Variants in CFAP54 observed in about 807,000 individuals in gnomAD.
The protein encoded by CFAP54 is cilia and flagella associated protein 54.
In CFAP54, 290 loss-of-function variants were observed where a neutral mutation model predicts 370.4. The observed-to-expected ratio is 0.78, with a 90% CI of 0.71 to 0.86. CFAP54 has a LOEUF of 0.86. Among genes scored for constraint, CFAP54 ranks in the 40% least tolerant of loss-of-function variants. CFAP54 has a pLI of 0.00. For synonymous variants in CFAP54, 1,206 were observed against 1,236.5 expected, an observed-to-expected ratio of 0.98 and a Z score of 0.52; for missense variants, 3,399 against 3,528.7, an observed-to-expected ratio of 0.96 and a Z score of 0.93.
chr12:96,706,137 C>T (rs1368135508), intron 47 of CFAP54, among the ~76,000 whole-genome samples: 1 of 152,060 alleles, frequency 6.6e-6, no homozygotes, highest in Non-Finnish European at 1.5e-5. Context: ...AGAAAAACTC[C>T]AAGCTCTCAT....
Position 96,704,820 on chromosome 12 carries a change from A to G in CFAP54, c.6528+24A>G, listed in dbSNP as rs777657641. 67 of 936,850 alleles carry G rather than the reference A, an allele frequency of 7.2e-5. 1 individual carries two copies. Among genetic ancestry groups the G allele is most frequent in the Non-Finnish European group, 1.0e-4 (67 of 640,390 alleles). 58.0% of individuals were successfully genotyped at this position (936,850 alleles called of 1,614,324 possible). On this transcript the variant is annotated intron_variant, in intron 47 of 67. Transcript: ENST00000524981. Reference sequence around the variant, plus strand: ...AGGTAAGGATAATAATATTTTATAAACATGGTTTTCCTAAGTGTGGATAAT... The same window carrying G: ...AGGTAAGGATAATAATATTTTATAAGCATGGTTTTCCTAAGTGTGGATAAT...
chr12:96,547,480 C>T (rs762477877), intron 14 of CFAP54, among the ~76,000 whole-genome samples: 26 of 152,142 alleles, frequency 1.7e-4, no homozygotes, highest in Non-Finnish European at 2.6e-4. Flanking sequence ...GCCACCGCAC[C>T]TGGCCTCTGA....
chr12:96,743,355 T>TC (rs746890249), intron 52 of CFAP54, 47 bp from the exon 53 acceptor site: 2 of 1,596,744 alleles, frequency 1.3e-6, no homozygotes, highest in Non-Finnish European at 1.7e-6. Flanking sequence ...ATGTATAACT[T>TC]CTGACTTTCT....
rs146747973 is a variant in CFAP54, at chr12:96,568,901, A to T, written c.2619+4136A>T. ...AACTCATTAGCTTCCAAGTGAGATG[A>T]CTGGCTTTTTTTTTTTTAATTATGG... On this transcript the variant is annotated intron_variant, in intron 19 of 67. Transcript: ENST00000524981. Among the ~76,000 whole-genome samples, 977 of 147,402 alleles carry T rather than the reference A, an allele frequency of 6.6e-3. 30 individuals carry two copies. The highest frequency in any genetic ancestry group is 0.045 in the Admixed American group (682 of 14,990).
chr12:96,599,281 AT>A (rs1191348379), intron 26 of CFAP54, among the ~76,000 whole-genome samples: 1 of 149,998 alleles, frequency 6.7e-6, no homozygotes, highest in Non-Finnish European at 1.5e-5. Context: ...TCCTTGTGAT[AT>A]TTTGCTGAGA....
At chr12:96,729,389 C>T (rs945818524) in intron 50 of CFAP54, among the ~76,000 whole-genome samples, 1 of 151,796 alleles carries the variant, frequency 6.6e-6, no homozygotes, top group East Asian at 1.9e-4. Context: ...CAATGGCGGG[C>T]GCCCCTCCCC....
At chr12:96,505,297 C>T (rs567418042) in intron 3 of CFAP54, among the ~76,000 whole-genome samples, 5 of 152,040 alleles carry the variant, frequency 3.3e-5, no homozygotes, top group African/African-American at 1.2e-4. Context: ...CTCCTGACCT[C>T]ATGATCCACT....
At chr12:96,723,310 G>A (rs932703327) in intron 50 of CFAP54, among the ~76,000 whole-genome samples, 2 of 152,142 alleles carry the variant, frequency 1.3e-5, no homozygotes, top group Non-Finnish European at 2.9e-5. Context: ...AAAGGACCAA[G>A]GATCAAGCCC....
At position 96,708,667 on chromosome 12, in the gene CFAP54, A is replaced by G. The variant is rs2136591262; in HGVS notation, c.6588A>G (p.Pro2196=). The part of the protein sequence containing the change: ...LPAVLVTIGQ[P]HLLNKFNFVK... ...CAGTTCTGGTTACAATTGGCCAACCACATCTCTTAAATAAGTTTAATTTTG... is the reference window on the plus strand; with the variant it reads ...CAGTTCTGGTTACAATTGGCCAACCGCATCTCTTAAATAAGTTTAATTTTG... Residue 2196 remains proline, a synonymous_variant, in exon 48 of 68, where the codon CCA becomes CCG. Transcript: ENST00000524981. 1 of 1,611,982 alleles carries G rather than the reference A, an allele frequency of 6.2e-7. No homozygotes were observed.
chr12:96,546,197 C>CT (rs1004538975), intron 14 of CFAP54, among the ~76,000 whole-genome samples: 4 of 152,158 alleles, frequency 2.6e-5, no homozygotes, highest in African/African-American at 9.7e-5. Flanking sequence ...TGATCTGACT[C>CT]TATCTGCAAG....
At chr12:96,553,825 A>G (rs1304496313) in intron 15 of CFAP54, among the ~76,000 whole-genome samples, 2 of 152,016 alleles carry the variant, frequency 1.3e-5, no homozygotes, top group Non-Finnish European at 2.9e-5. Flanking sequence ...TCTTTTTCAA[A>G]TTAGGTATAT....
intron 46 of CFAP54, among the ~76,000 whole-genome samples, chr12:96,702,396 G>A (rs1013512729): frequency 6.6e-6 from 1 of 152,092 alleles, no homozygotes; most frequent in Admixed American, 6.6e-5. Flanking sequence ...GGAACTAGAT[G>A]AATTCAGCTG....
At chr12:96,731,297 A>G (rs1264874896) in intron 50 of CFAP54, among the ~76,000 whole-genome samples, 1 of 152,198 alleles carries the variant, frequency 6.6e-6, no homozygotes, top group Non-Finnish European at 1.5e-5. Context: ...TATTTTTAAC[A>G]TCTTATGGGA....
intron 26 of CFAP54, among the ~76,000 whole-genome samples, chr12:96,606,814 T>C (rs1461913613): frequency 1.3e-5 from 2 of 152,188 alleles, no homozygotes. Context: ...TTTGTTCTCG[T>C]TGCTTGGCTC....
chr12:96,699,096 C>A (rs1957465055), intron 45 of CFAP54, among the ~76,000 whole-genome samples: 1 of 152,190 alleles, frequency 6.6e-6, no homozygotes, highest in Non-Finnish European at 1.5e-5. Flanking sequence ...AAAGGTTACT[C>A]TCCTATGCAA....
At chr12:96,823,138 C>CTGTGTG (rs34092422) in intron 65 of CFAP54, among the ~76,000 whole-genome samples, 4,997 of 148,002 alleles carry the variant, frequency 0.034, 144 homozygotes, top group African/African-American at 0.077. Context: ...GTGTGTGTGT[C>CTGTGTG]TGTGTGTGTG....
chr12:96,512,341 A>ATG (rs1955181542), intron 4 of CFAP54, among the ~76,000 whole-genome samples: 2 of 65,866 alleles, frequency 3.0e-5, no homozygotes, highest in African/African-American at 1.2e-4. Context: ...ATATATATAT[A>ATG]TATATATATG....
chr12:96,869,793 G>A (rs1294978482), intron 67 of CFAP54, among the ~76,000 whole-genome samples: 1 of 151,804 alleles, frequency 6.6e-6, no homozygotes, highest in East Asian at 1.9e-4. Flanking sequence ...AAATTTGCTG[G>A]GTGTGGTGGT....
chr12:96,628,615 G>A (rs571818768), intron 30 of CFAP54, among the ~76,000 whole-genome samples: 1 of 152,140 alleles, frequency 6.6e-6, no homozygotes, highest in African/African-American at 2.4e-5. Flanking sequence ...TTGATCAAAG[G>A]CTTCTAATTT....
Sources: allele counts gnomAD v4.1 joint callset (sites outside exome capture counted in the v4.1 genomes callset), GRCh38; gene constraint gnomAD v4.1.1; transcripts MANE v1.5; gene names NCBI Gene and HGNC (gene_info 2026-07-23, HGNC 2026-07-21).